Variants in PTBP2 observed in about 807,000 individuals in gnomAD.
The protein encoded by PTBP2 is polypyrimidine tract binding protein 2, also known as polypyrimidine tract-binding protein 2.
PTBP2 carries 13 observed loss-of-function variants against 61.4 expected under a neutral mutation model. The ratio of observed to expected loss-of-function variants is 0.21; its 90% CI spans 0.14 to 0.34. The LOEUF (loss-of-function observed/expected upper bound fraction) is 0.34. Ranked by LOEUF, PTBP2 falls within the 10% of genes least tolerant of loss-of-function variation. PTBP2 has a pLI of 1.00. For missense variants in PTBP2, 405 were observed against 642.6 expected (o/e 0.63, Z 4.00); for synonymous variants, 215 against 218.5 (o/e 0.98, Z 0.14).
rs534917501 is a variant in PTBP2 at position 96,727,434 on chromosome 1, C to T, written c.39+3840C>T. 2.0e-5 allele frequency among the ~76,000 whole-genome samples: 3 copies of T among 152,224 alleles called. No individual in the cohort carries two copies. The South Asian group carries it at 6.2e-4, about 32-fold the overall frequency. On this transcript the variant is annotated intron_variant, in intron 2 of 13. Transcript: ENST00000674951. Reference sequence around the variant, plus strand: ...CAGGCTATGATTGGAAAGTCTGGATCATGTGATAGGCATATGTTTAACTTT... The same window carrying T: ...CAGGCTATGATTGGAAAGTCTGGATTATGTGATAGGCATATGTTTAACTTT...
At chr1:96,737,173 T>G (rs890141316) in intron 2 of PTBP2, among the ~76,000 whole-genome samples, 5 of 151,706 alleles carry the variant, frequency 3.3e-5, no homozygotes, top group African/African-American at 7.3e-5. Flanking sequence ...TAGAGATGGG[T>G]TTTACCATGG....
intron 5 of PTBP2, among the ~76,000 whole-genome samples, chr1:96,774,654 A>G (rs1051353188): frequency 8.6e-5 from 13 of 151,934 alleles, no homozygotes; most frequent in African/African-American, 3.1e-4. Flanking sequence ...AAACACACTC[A>G]CCTGTTGGCT....
chr1:96,816,607 A>G (rs530140378), downstream of PTBP2: 5 of 152,202 alleles, frequency 3.3e-5, no homozygotes, highest in Admixed American at 2.6e-4. Context: ...ATGAATCATT[A>G]TATTAGAGAT....
chr1:96,775,868 A>G lies in PTBP2; in HGVS notation c.433-1717A>G, dbSNP rs112412343. Among the ~76,000 whole-genome samples, 478 of 152,256 alleles carry G rather than the reference A, an allele frequency of 3.1e-3. 3 individuals carry two copies. The highest frequency in any genetic ancestry group is 0.011 in the African/African-American group (466 of 41,568). ...ACATGATTGTTAAGCCATAAAAGGA[A>G]GATAGAGAACAATGAATAGTATTAA... is the stretch of plus-strand genomic sequence containing the variant. On this transcript the variant is annotated intron_variant, in intron 5 of 13. Coordinates refer to ENST00000674951, the MANE Select transcript of PTBP2 (RefSeq NM_021190.4).
rs141195535 is a variant in PTBP2, at chr1:96,728,460, C to G, written c.39+4866C>G. 2.2e-3 allele frequency among the ~76,000 whole-genome samples: 335 copies of G among 152,296 alleles called. 5 individuals carry two copies. Among genetic ancestry groups the G allele is most frequent in the Non-Finnish European group, 3.2e-4 (22 of 68,038 alleles). On this transcript the variant is annotated intron_variant, in intron 2 of 13. Transcript: ENST00000674951. ...GAAAAGACTATCCTTTCTCCATTCA[C>G]TTGGCTTTGCAGCTTCATGAAAAAT...
At chr1:96,743,625 T>C (rs544142047) in intron 2 of PTBP2, among the ~76,000 whole-genome samples, 1 of 152,288 alleles carries the variant, frequency 6.6e-6, no homozygotes, top group South Asian at 2.1e-4. Context: ...CGTAAGTACC[T>C]TTTTATAAGA....
At chr1:96,728,817 T>TG (rs35877347) in intron 2 of PTBP2, among the ~76,000 whole-genome samples, 38,607 of 116,274 alleles carry the variant, frequency 0.33, 6,086 homozygotes, top group East Asian at 0.49. Flanking sequence ...CTTTAAGCAT[T>TG]TTTTTTTTTT....
In PTBP2 at chr1:96,769,755, T is replaced by G; in HGVS notation, c.168T>G (p.Ala56=). ...AAGGAGAAGATAAAATGGATGGTGC[T>G]CCTTCTCGTGTACTTCATATTCGAA... is the stretch of plus-strand genomic sequence containing the variant. ...KFKGEDKMDG[A]PSRVLHIRKL... The change falls in exon 4 of 14, where the codon GCT becomes GCG. Residue 56 remains alanine (A), a synonymous_variant. Transcript: ENST00000674951. 2 of 1,609,628 alleles carry G rather than the reference T, an allele frequency of 1.2e-6. No homozygotes were observed. Among genetic ancestry groups the G allele is most frequent in the Non-Finnish European group, 1.7e-6 (2 of 1,177,750 alleles).
intron 5 of PTBP2, among the ~76,000 whole-genome samples, chr1:96,776,064 G>T (rs1325252913): frequency 1.3e-5 from 2 of 152,102 alleles, no homozygotes; most frequent in African/African-American, 2.4e-5. Context: ...TGACAGAGTT[G>T]CAGGGGAATT....
chr1:96,744,167 C>T (rs1299729184), intron 2 of PTBP2, among the ~76,000 whole-genome samples: 1 of 151,838 alleles, frequency 6.6e-6, no homozygotes, highest in East Asian at 1.9e-4. Flanking sequence ...GAGGTTGCAG[C>T]GAGCCGAGAT....
In PTBP2 at chr1:96,733,021, C is replaced by CTT. The variant is rs35353502; in HGVS notation, c.39+9441_39+9442dup. 1.8e-3 allele frequency among the ~76,000 whole-genome samples: 255 copies of CTT among 139,452 alleles called. 1 individual carries two copies. The highest frequency in any genetic ancestry group is 7.3e-3 in the South Asian group (32 of 4,392). The allele number at this position is 139,452 out of a possible 152,430, so 91.5% of individuals were successfully genotyped here. On this transcript the variant is annotated intron_variant, in intron 2 of 13. Transcript: ENST00000674951. The stretch of plus-strand genomic sequence containing the variant: ...GCTCATTACTCTGCTTTCTTTCTTT[C>CTT]TTTTTTTTTTTTTTTGCTATAGCAA...
At chr1:96,734,138 TAATG>T (rs1650997777) in intron 2 of PTBP2, among the ~76,000 whole-genome samples, 1 of 152,172 alleles carries the variant, frequency 6.6e-6, no homozygotes, top group African/African-American at 2.4e-5. Flanking sequence ...AAAACTATTA[TAATG>T]AATTTTAGAC....
At chr1:96,791,543 T>C (rs1659791763) in intron 8 of PTBP2, among the ~76,000 whole-genome samples, 1 of 152,180 alleles carries the variant, frequency 6.6e-6, no homozygotes, top group Non-Finnish European at 1.5e-5. Flanking sequence ...ATTATTGTGA[T>C]GTAGGCCATT....
rs55989143 is a variant in PTBP2, at chr1:96,746,075, C to CA, written c.40-5341dup. Among the ~76,000 whole-genome samples the CA allele has an allele frequency of 2.1e-3, 309 of 149,530 alleles. 2 individuals are homozygous for CA. Among genetic ancestry groups the CA allele is most frequent in the East Asian group, 3.0e-3 (15 of 5,076 alleles). ...ACTGAGACTCCATCTCAAAAACAAA[C>CA]AAAAAAAAACAACAACAAAAAAAGA... On this transcript the variant is annotated intron_variant, in intron 2 of 13. Coordinates refer to ENST00000674951, the MANE Select transcript of PTBP2 (RefSeq NM_021190.4).
chr1:96,759,291 G>A (rs973659864), intron 3 of PTBP2, among the ~76,000 whole-genome samples: 16 of 152,150 alleles, frequency 1.1e-4, no homozygotes, highest in Admixed American at 1.0e-3. Flanking sequence ...AAGGAGCTAG[G>A]ACAATTAAAA....
chr1:96,756,259 C>T (rs1209979822), intron 3 of PTBP2, among the ~76,000 whole-genome samples: 3 of 152,132 alleles, frequency 2.0e-5, no homozygotes, highest in African/African-American at 7.2e-5. Flanking sequence ...ATTAGCTAGG[C>T]GTGGTGGTGC....
At chr1:96,780,899 C>T (rs930618649) in intron 7 of PTBP2, among the ~76,000 whole-genome samples, 1 of 152,038 alleles carries the variant, frequency 6.6e-6, no homozygotes, top group Non-Finnish European at 1.5e-5. Context: ...AGCCAGTAAA[C>T]ATGGTATTTT....
intron 10 of PTBP2, 132 bp downstream of exon 10, chr1:96,806,584 C>A: frequency 9.7e-7 from 1 of 1,032,540 alleles, no homozygotes; most frequent in Non-Finnish European, 1.4e-6. Context: ...CTATTTAAAA[C>A]TCTCCATAGA....
chr1:96,725,236 G>A (rs1650236098), intron 2 of PTBP2, among the ~76,000 whole-genome samples: 2 of 151,970 alleles, frequency 1.3e-5, no homozygotes, highest in Non-Finnish European at 2.9e-5. Context: ...CTCAGAATGA[G>A]TAGACAGGAA....
Sources: gnomAD v4.1 joint callset for allele counts (sites outside exome capture counted in the v4.1 genomes callset) on GRCh38, gnomAD v4.1.1 for gene constraint, MANE v1.5 for transcripts, NCBI Gene and HGNC (gene_info 2026-07-23, HGNC 2026-07-21) for gene names.